KCNK9: variants seen among roughly 807,000 people sequenced by gnomAD.
KCNK9 encodes the protein potassium two pore domain channel subfamily K member 9, also known as potassium channel subfamily K member 9.
KCNK9 carries 1 observed loss-of-function variant against 10.8 expected under a neutral mutation model. The observed-to-expected ratio is 0.09, with a 90% CI of 0.03 to 0.44. KCNK9 has a LOEUF of 0.44. Among genes scored for constraint, KCNK9 ranks in the 20% least tolerant of loss-of-function variants. The probability of loss-of-function intolerance (pLI) is 0.97; values close to 1 mark genes in which losing one functional copy is unlikely to be tolerated. For synonymous variants in KCNK9, 231 were observed against 222.7 expected (o/e 1.04, Z -0.33); for missense variants, 303 against 515.0 (o/e 0.59, Z 3.98).
At chr8:139,651,828 C>T (rs1162120236) in intron 1 of KCNK9, among the ~76,000 whole-genome samples, 1 of 152,176 alleles carries the variant, frequency 6.6e-6, no homozygotes, top group Admixed American at 6.5e-5. Context: ...TGTATTGCCC[C>T]TTGGCCCAAG....
At chr8:139,604,318 T>C (rs1817437979) in intron 2 of KCNK9, among the ~76,000 whole-genome samples, 1 of 151,540 alleles carries the variant, frequency 6.6e-6, no homozygotes, top group African/African-American at 2.4e-5. Flanking sequence ...ACGTGTCAAG[T>C]GTTTAGTAGT....
intron 1 of KCNK9, among the ~76,000 whole-genome samples, chr8:139,621,300 A>G (rs900252265): frequency 6.6e-6 from 1 of 151,910 alleles, no homozygotes; most frequent in Non-Finnish European, 1.5e-5. Context: ...CAAAAAAAAA[A>G]AAAAAATAGC....
intron 1 of KCNK9, among the ~76,000 whole-genome samples, chr8:139,643,819 C>T (rs562111862): frequency 2.6e-4 from 39 of 152,358 alleles, no homozygotes; most frequent in Non-Finnish European, 3.7e-4. Context: ...CTGGTTCAAC[C>T]GCCGCCACCT....
At chr8:139,610,906 G>T (rs983701985), downstream of KCNK9, among the ~76,000 whole-genome samples, 3 of 152,224 alleles carry the variant, frequency 2.0e-5, no homozygotes, top group South Asian at 6.2e-4. Context: ...ACTGACGGTG[G>T]GATGGAATCT....
chr8:139,687,650 A>G (rs1390974863), intron 1 of KCNK9, among the ~76,000 whole-genome samples: 102 of 110,362 alleles, frequency 9.2e-4, no homozygotes, highest in African/African-American at 3.1e-3. Context: ...GTATACATAT[A>G]TATTCATATG....
At chr8:139,637,158 A>T (rs1207194702) in intron 1 of KCNK9, among the ~76,000 whole-genome samples, 1 of 152,228 alleles carries the variant, frequency 6.6e-6, no homozygotes, top group African/African-American at 2.4e-5. Flanking sequence ...TGGCCCCAAC[A>T]TCTCACCTCC....
intron 1 of KCNK9, among the ~76,000 whole-genome samples, chr8:139,664,876 A>G (rs1291123070): frequency 6.6e-6 from 1 of 151,984 alleles, no homozygotes; most frequent in African/African-American, 2.4e-5. Flanking sequence ...GGGTGGGGCC[A>G]CCGTGTGGCT....
intron 1 of KCNK9, among the ~76,000 whole-genome samples, chr8:139,635,765 C>A (rs117934344): frequency 2.6e-5 from 4 of 152,146 alleles, no homozygotes; most frequent in Admixed American, 1.3e-4. Context: ...ACAACCCCCC[C>A]ACTCAGGAGG....
intron 1 of KCNK9, among the ~76,000 whole-genome samples, chr8:139,636,321 C>A (rs1260969673): frequency 6.6e-6 from 1 of 152,242 alleles, no homozygotes; most frequent in Admixed American, 6.5e-5. Flanking sequence ...TCTTCTCTGA[C>A]CCCCAGCACC....
At chr8:139,662,938 C>A (rs1337501499) in intron 1 of KCNK9, among the ~76,000 whole-genome samples, 3 of 151,816 alleles carry the variant, frequency 2.0e-5, no homozygotes, top group African/African-American at 7.3e-5. Flanking sequence ...GGTAGATGCG[C>A]CTTAGTGTGC....
At chr8:139,637,271 C>A (rs1223524029) in intron 1 of KCNK9, among the ~76,000 whole-genome samples, 1 of 152,196 alleles carries the variant, frequency 6.6e-6, no homozygotes, top group Non-Finnish European at 1.5e-5. Context: ...CATAGGCTTC[C>A]TTGGCAGAGA....
intron 1 of KCNK9, among the ~76,000 whole-genome samples, chr8:139,622,881 A>C (rs1350673988): frequency 6.6e-6 from 1 of 152,232 alleles, no homozygotes; most frequent in Non-Finnish European, 1.5e-5. Flanking sequence ...CACACAGTGT[A>C]CACTTGGAAC....
In KCNK9 at chr8:139,619,186, C is replaced by T. The variant is rs940082728; in HGVS notation, c.284-87G>A. The T allele has an allele frequency of 1.6e-5, 23 of 1,443,880 alleles. No individual in the cohort carries two copies. In the African/African-American group the frequency reaches 2.9e-4, roughly 18 times the overall value. 89.4% of individuals were successfully genotyped at this position (1,443,880 alleles called of 1,614,324 possible). Reference sequence around the variant, plus strand: ...AAGGGAGGGTCGACTTGGTGCAGTGCAGTGCAATGCAGAGGGACCTGGTAC... The same window carrying T: ...AAGGGAGGGTCGACTTGGTGCAGTGTAGTGCAATGCAGAGGGACCTGGTAC... On this transcript the variant is annotated intron_variant, in intron 1 of 1. Coordinates refer to ENST00000520439, the MANE Select transcript of KCNK9 (RefSeq NM_001282534.2).
chr8:139,698,521 C>T (rs1175415885), intron 1 of KCNK9, among the ~76,000 whole-genome samples: 1 of 152,254 alleles, frequency 6.6e-6, no homozygotes, highest in Non-Finnish European at 1.5e-5. Flanking sequence ...GAACATACCC[C>T]CTGCATGTGC....
At chr8:139,623,893 A>C (rs574272399) in intron 1 of KCNK9, among the ~76,000 whole-genome samples, 2 of 152,302 alleles carry the variant, frequency 1.3e-5, no homozygotes, top group African/African-American at 2.4e-5. Flanking sequence ...GGCGCCTCCG[A>C]CTGCGGGTGA....
rs2130100749 is a variant in KCNK9, at chr8:139,617,458, C to A, written c.*800G>T. On this transcript the variant is annotated 3_prime_UTR_variant, in exon 2 of 2. Transcript: ENST00000520439. ...TTGTTGATAGCGCATACCAGTTTAA[C>A]AAAGTGCATGCTTTTTAAAAAATGT... Among the ~76,000 whole-genome samples the A allele has an allele frequency of 6.6e-6, 1 of 152,262 alleles. No individual in the cohort carries two copies. The highest frequency in any genetic ancestry group is 1.5e-5 in the Non-Finnish European group (1 of 68,024).
chr8:139,626,932 C>T (rs989055089), intron 1 of KCNK9, among the ~76,000 whole-genome samples: 4 of 152,190 alleles, frequency 2.6e-5, no homozygotes, highest in African/African-American at 7.2e-5. Context: ...GGCAAGCATC[C>T]CACTCATCCT....
rs1163462464 is a variant in KCNK9, at chr8:139,641,106, A to C, written c.284-22007T>G. On this transcript the variant is annotated intron_variant, in intron 1 of 1. Transcript: ENST00000520439. ...CACGAGGAGGTGAGGCAGGTTCACT[A>C]TCCTCTCCATCCCTGAGGCTCTGAC... 2.6e-5 allele frequency among the ~76,000 whole-genome samples: 4 copies of C among 152,198 alleles called. 1 individual carries two copies. Among genetic ancestry groups the C allele is most frequent in the Admixed American group, 2.0e-4 (3 of 15,278 alleles).
At chr8:139,644,560 G>A (rs1815612307) in intron 1 of KCNK9, among the ~76,000 whole-genome samples, 1 of 152,190 alleles carries the variant, frequency 6.6e-6, no homozygotes, top group African/African-American at 2.4e-5. Context: ...CACACCCTAA[G>A]GTGGGTGTCA....
Sources: gnomAD v4.1 joint callset for allele counts (sites outside exome capture counted in the v4.1 genomes callset) on GRCh38, gnomAD v4.1.1 for gene constraint, MANE v1.5 for transcripts, NCBI Gene and HGNC (gene_info 2026-07-23, HGNC 2026-07-21) for gene names.